The following PRRC2B variants were observed in gnomAD, a reference collection of about 807,000 sequenced individuals.
The protein encoded by PRRC2B is protein PRRC2B.
In PRRC2B, 68 loss-of-function variants were observed where a neutral mutation model predicts 242.3. The ratio of observed to expected loss-of-function variants is 0.28; its 90% CI spans 0.23 to 0.34. The LOEUF is 0.34. Ranked by LOEUF, PRRC2B falls within the 10% of genes least tolerant of loss-of-function variation. The pLI, the probability that PRRC2B is intolerant of heterozygous loss-of-function variation, is 1.00. For missense variants in PRRC2B, 2,835 were observed against 2,954.8 expected (o/e 0.96, Z 0.94); for synonymous variants, 1,228 against 1,173.6 (o/e 1.05, Z -0.95).
Position 131,432,626 on chromosome 9 carries a change from G to C in PRRC2B, c.125G>C (p.Arg42Thr), listed in dbSNP as rs1838215727. 6.2e-7 allele frequency: 1 copy of C among 1,613,828 alleles called. No individual in the cohort carries two copies. Among genetic ancestry groups the C allele is most frequent in the Non-Finnish European group, 8.5e-7 (1 of 1,179,824 alleles). ...VDAIRSSVIP[R>T]HGLQSLGKVA... ...GTCCCTCTCCCTGCAGTTATTCCTA[G>C]ACATGGCTTACAGAGTCTTGGGAAA... The change falls in exon 3 of 32, where the codon AGA becomes ACA. Residue 42 changes from arginine to threonine, a missense_variant. This residue lies in a region of PRRC2B where 626 missense variants were observed against 685.5 expected (regional missense o/e 0.91). Coordinates refer to ENST00000683519, the MANE Select transcript of PRRC2B (RefSeq NM_013318.4).
At chr9:131,470,377 C>T (rs932300231) in intron 13 of PRRC2B, among the ~76,000 whole-genome samples, 3 of 152,056 alleles carry the variant, frequency 2.0e-5, no homozygotes, top group Admixed American at 6.6e-5. Context: ...ATTGAAGAGG[C>T]CTGGAGGGAG....
intron 18 of PRRC2B, 30 bp downstream of exon 18, chr9:131,478,649 G>GGGGGGGGGCCCAGGGCC: frequency 1.2e-5 from 6 of 504,530 alleles, no homozygotes; most frequent in Middle Eastern, 6.2e-4. Context: ...GGGGCATGGG[G>GGGGGGGGGCCCAGGGCC]CTGGAGGGCA....
chr9:131,487,412 G>A lies in PRRC2B; in HGVS notation c.5984+118G>A, dbSNP rs994503722. ...TCTGCTTTGGGGCCAGTGGGGCGGG[G>A]AGGGGTGGGAGTTTGCTCTGAATCA... On this transcript the variant is annotated intron_variant, in intron 27 of 31. Transcript: ENST00000683519. The surrounding 1 kb of genome is among the most constrained non-coding windows in gnomAD (Gnocchi z 5.3). The A allele has an allele frequency of 2.0e-5, 12 of 598,762 alleles. No homozygotes were observed. The highest frequency in any genetic ancestry group is 2.7e-5 in the Non-Finnish European group (10 of 366,144). The allele number at this position is 598,762 out of a possible 1,614,324, so 37.1% of individuals were successfully genotyped here.
At position 131,461,971 on chromosome 9, in the gene PRRC2B, T is replaced by C. The variant is rs539805121; in HGVS notation, c.1404+2615T>C. Among the ~76,000 whole-genome samples the C allele has an allele frequency of 1.2e-3, 188 of 152,338 alleles. 1 individual carries two copies. The highest frequency in any genetic ancestry group is 3.9e-3 in the African/African-American group (163 of 41,578). On this transcript the variant is annotated intron_variant, in intron 11 of 31. Coordinates refer to ENST00000683519, the MANE Select transcript of PRRC2B (RefSeq NM_013318.4). ...CAAGAGATACAGAAGTGAAACAAAA[T>C]AGACACAATGCCACTGCTCTTGGAA...
Position 131,477,869 on chromosome 9 carries a change from C to A in PRRC2B, c.4532C>A (p.Ala1511Glu), listed in dbSNP as rs1357590952. The change falls in exon 17 of 32, where the codon GCA becomes GAA. Residue 1511 changes from alanine (A) to glutamate (E), a missense_variant. Physicochemically the swap from Ala to Glu is moderately radical, Grantham distance 107. This residue lies in a region of PRRC2B where 1,536 missense variants were observed against 1,483.1 expected (regional missense o/e 1.04). Transcript: ENST00000683519. ...ADLPEASSKK[A>E]EKEAKLAAPR... ...CTTCCCGAAGCCTCCAGTAAAAAGG[C>A]AGAGAAGGAGGCCAAGTTGGCTGCT... is the stretch of plus-strand genomic sequence containing the variant. 5 of 1,613,832 alleles carry A rather than the reference C, an allele frequency of 3.1e-6. No individual in the cohort carries two copies. The highest frequency in any genetic ancestry group is 3.4e-6 in the Non-Finnish European group (4 of 1,179,892).
At chr9:131,472,309 T>G (rs957950611) in intron 14 of PRRC2B, among the ~76,000 whole-genome samples, 38 of 151,900 alleles carry the variant, frequency 2.5e-4, no homozygotes, top group Non-Finnish European at 4.1e-4. Flanking sequence ...TGATGATTAT[T>G]ATTATTATTA....
Position 131,446,746 on chromosome 9 carries a change from G to A in PRRC2B, c.855+104G>A. The A allele has an allele frequency of 7.5e-7, 1 of 1,326,374 alleles. No individual in the cohort carries two copies. The highest frequency in any genetic ancestry group is 1.0e-6 in the Non-Finnish European group (1 of 961,022). The allele number at this position is 1,326,374 out of a possible 1,614,324, so 82.2% of individuals were successfully genotyped here. ...CCCCTTGGGGTCTCCTCTTGGCCCTGTTACCCTACTTCTGAGGCTTCCACT... is the reference window on the plus strand; with the variant it reads ...CCCCTTGGGGTCTCCTCTTGGCCCTATTACCCTACTTCTGAGGCTTCCACT... On this transcript the variant is annotated intron_variant, in intron 7 of 31. Coordinates refer to ENST00000683519, the MANE Select transcript of PRRC2B (RefSeq NM_013318.4). This position sits in a 1 kb window ranked among gnomAD's most constrained non-coding sequence, Gnocchi z 4.1.
upstream of PRRC2B, among the ~76,000 whole-genome samples, chr9:131,391,191 C>T (rs1399703088): frequency 6.6e-6 from 1 of 151,866 alleles, no homozygotes; most frequent in African/African-American, 2.4e-5. Context: ...GCTTATGTAA[C>T]TTTGTTATCT....
In PRRC2B at chr9:131,494,054, A is replaced by G. The variant is rs899577114; in HGVS notation, c.6474-351A>G. On this transcript the variant is annotated intron_variant, in intron 30 of 31. Coordinates refer to ENST00000683519, the MANE Select transcript of PRRC2B (RefSeq NM_013318.4). The surrounding 1 kb of genome is among the most constrained non-coding windows in gnomAD (Gnocchi z 4.3). ...GGCTTCTAGGCCTTTTGTCTGGGGC[A>G]CTGCATCGTGTTGGTCCAGACCCTG... 1.8e-4 allele frequency among the ~76,000 whole-genome samples: 28 copies of G among 152,200 alleles called. No individual in the cohort carries two copies. The highest frequency in any genetic ancestry group is 6.5e-4 in the African/African-American group (27 of 41,442).
intron 9 of PRRC2B, among the ~76,000 whole-genome samples, chr9:131,448,833 C>T (rs994477708): frequency 1.3e-5 from 2 of 151,726 alleles, no homozygotes; most frequent in Non-Finnish European, 2.9e-5. Context: ...TGAAAGGTAC[C>T]CATATCACAT....
Position 131,492,202 on chromosome 9 carries a change from G to C in PRRC2B, c.6415G>C (p.Ala2139Pro). The C allele has an allele frequency of 6.2e-7, 1 of 1,613,874 alleles. No homozygotes were observed. Among genetic ancestry groups the C allele is most frequent in the Non-Finnish European group, 8.5e-7 (1 of 1,179,848 alleles). ...GATGGAGATGAAAGGCTTCCACTTT[G>C]CCGACAGTAAACAGAATGTCCCTTC... The part of the protein sequence containing the change: ...SQMEMKGFHF[A>P]DSKQNVPSGG... Residue 2139 changes from alanine to proline, a missense_variant, in exon 30 of 32, where the codon GCC becomes CCC. Coordinates refer to ENST00000683519, the MANE Select transcript of PRRC2B (RefSeq NM_013318.4).
intron 1 of PRRC2B, among the ~76,000 whole-genome samples, chr9:131,384,570 C>A (rs1034412920): frequency 1.3e-5 from 2 of 152,122 alleles, no homozygotes; most frequent in African/African-American, 4.8e-5. Flanking sequence ...AGGTGTGAGC[C>A]ACTGCGCCCG....
Position 131,475,198 on chromosome 9 carries a change from G to A in PRRC2B, c.3069G>A (p.Glu1023=), listed in dbSNP as rs1480142639. The change falls in exon 16 of 32, where the codon GAG becomes GAA. Residue 1023 remains glutamate, a synonymous_variant. Transcript: ENST00000683519. ...FGREATKFEE[E]EKPDKAWEAR... ...GCGAGGCCACCAAATTTGAAGAGGA[G>A]GAGAAACCTGACAAGGCCTGGGAAG... 1.2e-6 allele frequency: 2 copies of A among 1,613,764 alleles called. No homozygotes were observed. Among genetic ancestry groups the A allele is most frequent in the Non-Finnish European group, 8.5e-7 (1 of 1,179,842 alleles).
At chr9:131,384,711 C>T (rs1437703986) in intron 1 of PRRC2B, among the ~76,000 whole-genome samples, 1 of 151,982 alleles carries the variant, frequency 6.6e-6, no homozygotes, top group African/African-American at 2.4e-5. Context: ...AGCCACTGCG[C>T]CTGGCTTAAT....
At position 131,464,877 on chromosome 9, in the gene PRRC2B, C is replaced by T. The variant is rs1459959381; in HGVS notation, c.1519C>T (p.Arg507Ter). ...GATGTCCGAGGCGGTGGAGCGAGCC[C>T]GAAAGCGCCGGGAAGAAGAGGAGCG... is the stretch of plus-strand genomic sequence containing the variant. ...SEMSEAVERA[R>*]KRREEEERRA... Residue 507 changes from arginine (R) to a stop codon, truncating the protein, a stop_gained, in exon 12 of 32, where the codon CGA becomes TGA. Coordinates refer to ENST00000683519, the MANE Select transcript of PRRC2B (RefSeq NM_013318.4). LOFTEE classifies it high-confidence loss of function. 2 of 1,613,398 alleles carry T rather than the reference C, an allele frequency of 1.2e-6. No individual in the cohort carries two copies. Among genetic ancestry groups the T allele is most frequent in the Non-Finnish European group, 1.7e-6 (2 of 1,179,740 alleles).
chr9:131,406,950 T>G (rs1225478071), intron 1 of PRRC2B, among the ~76,000 whole-genome samples: 1 of 152,246 alleles, frequency 6.6e-6, no homozygotes, highest in Non-Finnish European at 1.5e-5. Flanking sequence ...GGGACTGTTT[T>G]AACTGTGCAT....
intron 1 of PRRC2B, among the ~76,000 whole-genome samples, chr9:131,375,681 T>A (rs1293899388): frequency 6.6e-6 from 1 of 152,142 alleles, no homozygotes; most frequent in African/African-American, 2.4e-5. Flanking sequence ...TTATAAAATT[T>A]ACTTAAACTT....
intron 30 of PRRC2B, among the ~76,000 whole-genome samples, chr9:131,493,762 C>T (rs550485432): frequency 6.6e-6 from 1 of 152,300 alleles, no homozygotes; most frequent in African/African-American, 2.4e-5. Context: ...GGAGTGCTGT[C>T]CCCAGGGTGG....
At chr9:131,489,238 G>A (rs1200429454) in intron 28 of PRRC2B, among the ~76,000 whole-genome samples, 1 of 148,498 alleles carries the variant, frequency 6.7e-6, no homozygotes, top group Non-Finnish European at 1.5e-5. Flanking sequence ...AGGCTGGAGT[G>A]CAGTGGCGCA....
Sources: allele counts gnomAD v4.1 joint callset (sites outside exome capture counted in the v4.1 genomes callset), GRCh38; gene constraint gnomAD v4.1.1; regional missense constraint gnomAD v4.1.1; non-coding constraint Gnocchi (gnomAD v3.1); transcripts MANE v1.5; gene names NCBI Gene and HGNC (gene_info 2026-07-23, HGNC 2026-07-21).